TP73: variants seen among roughly 807,000 people sequenced by gnomAD.
TP73 encodes the protein tumor protein p73.
In TP73, 25 loss-of-function variants were observed where a neutral mutation model predicts 62.5. That is an observed-to-expected ratio of 0.40 (90% confidence interval 0.29 to 0.56). TP73 has a LOEUF of 0.56. TP73 is among the 20% of genes least tolerant of loss of function. The probability of loss-of-function intolerance (pLI) is 0.46; values close to 1 mark genes in which losing one functional copy is unlikely to be tolerated. For synonymous variants in TP73, 423 were observed against 377.5 expected (o/e 1.12, Z -1.40); for missense variants, 754 against 913.3 (o/e 0.83, Z 2.25).
At chr1:3,724,974 G>A (rs1237433520) in intron 6 of TP73, among the ~76,000 whole-genome samples, 2 of 151,876 alleles carry the variant, frequency 1.3e-5, no homozygotes, top group Non-Finnish European at 2.9e-5. Flanking sequence ...AGCCAAGATC[G>A]CGCCATTGCA....
intron 4 of TP73, chr1:3,707,998 G>A (rs1639819350): frequency 2.6e-6 from 2 of 766,018 alleles, no homozygotes; most frequent in Non-Finnish European, 4.1e-6. Flanking sequence ...GACGTGAGTG[G>A]CCAGAGCCAG....
rs1425904987 is a variant in TP73, at chr1:3,663,383, C to T, written c.-34+10742C>T. Among the ~76,000 whole-genome samples the T allele has an allele frequency of 6.6e-6, 1 of 152,158 alleles. No homozygotes were observed. Among genetic ancestry groups the T allele is most frequent in the Non-Finnish European group, 1.5e-5 (1 of 68,012 alleles). On this transcript the variant is annotated intron_variant, in intron 1 of 13. Transcript: ENST00000378295. This position sits in a 1 kb window ranked among gnomAD's most constrained non-coding sequence, Gnocchi z 4.7. ...ACCGGGGAACTCTGCATATTTTCCT[C>T]CTGGGTTTGTGGGGTGTGGACAGCA...
Position 3,730,142 on chromosome 1 carries a change from C to T in TP73, c.1339C>T (p.Pro447Ser), listed in dbSNP as rs1160589083. Reference protein sequence around the residue: ...HSSAATPNLGPVGPGMLNNHG... With the variant: ...HSSAATPNLGSVGPGMLNNHG... ...TTCGGCAGCTACACCCAACCTGGGGCCCGTGGGTGAGTCCCTTGGGCAGTG... is the reference window on the plus strand; with the variant it reads ...TTCGGCAGCTACACCCAACCTGGGGTCCGTGGGTGAGTCCCTTGGGCAGTG... Residue 447 changes from proline (P) to serine (S), a missense_variant, in exon 11 of 14, where the codon CCC (proline) becomes TCC (serine). Physicochemically the swap from Pro to Ser is moderately conservative, Grantham distance 74 (BLOSUM62 -1). Transcript: ENST00000378295. 12 of 1,552,604 alleles carry T rather than the reference C, an allele frequency of 7.7e-6. No individual in the cohort carries two copies. The highest frequency in any genetic ancestry group is 1.0e-5 in the Non-Finnish European group (12 of 1,147,326).
In TP73 at chr1:3,696,076, G is replaced by C. The variant is rs908412230; in HGVS notation, c.187-11473G>C. On this transcript the variant is annotated intron_variant, in intron 3 of 13. Transcript: ENST00000378295. This position sits in a 1 kb window ranked among gnomAD's most constrained non-coding sequence, Gnocchi z 4.1. ...GAGAAGGAGCCGCATGCAGGGAGGA[G>C]GACGACGAGCGAGCAGTTCCCAAAG... 1.3e-5 allele frequency among the ~76,000 whole-genome samples: 2 copies of C among 152,154 alleles called. No individual in the cohort carries two copies. The highest frequency in any genetic ancestry group is 4.8e-5 in the African/African-American group (2 of 41,456).
chr1:3,665,949 A>G (rs1645102473), intron 1 of TP73, among the ~76,000 whole-genome samples: 1 of 150,504 alleles, frequency 6.6e-6, no homozygotes, highest in East Asian at 1.9e-4. Flanking sequence ...CCTGGCCAAC[A>G]TACAGTGAAA....
Position 3,732,972 on chromosome 1 carries a change from CCAGGCG to C in TP73, c.1805_1810del (p.Pro602_Gly604delinsArg). On this transcript the variant is annotated inframe_deletion, in exon 14 of 14. Transcript: ENST00000378295. ...CATCACCATCCCCAACCGCGGCGGCCCAGGCGGCGGCCCTGACGAGTGGGCGGACTT... is the reference window on the plus strand; with the variant it reads ...CATCACCATCCCCAACCGCGGCGGCCGCGGCCCTGACGAGTGGGCGGACTT... The C allele has an allele frequency of 6.2e-7, 1 of 1,600,978 alleles. No individual in the cohort carries two copies. The highest frequency in any genetic ancestry group is 2.3e-5 in the East Asian group (1 of 44,306).
At chr1:3,715,364 CA>C (rs1640507561) in intron 4 of TP73, among the ~76,000 whole-genome samples, 1 of 152,192 alleles carries the variant, frequency 6.6e-6, no homozygotes, top group African/African-American at 2.4e-5. Flanking sequence ...TCCTGGAACC[CA>C]GGGGTGCTTA....
chr1:3,720,582 G>A (rs1327561943), intron 4 of TP73, among the ~76,000 whole-genome samples: 1 of 152,260 alleles, frequency 6.6e-6, no homozygotes, highest in Non-Finnish European at 1.5e-5. Flanking sequence ...CCACTGCACA[G>A]GAACAAGGGC....
chr1:3,712,137 C>A (rs911824450), intron 4 of TP73: 3 of 152,144 alleles, frequency 2.0e-5, no homozygotes, highest in African/African-American at 7.2e-5. Context: ...TTATGGAATG[C>A]ATGAGTGGAA....
chr1:3,717,071 C>T (rs527300927), intron 4 of TP73, among the ~76,000 whole-genome samples: 18 of 152,362 alleles, frequency 1.2e-4, no homozygotes, highest in East Asian at 1.9e-4. Context: ...GATTCACCCA[C>T]GCTGGTTAAC....
chr1:3,688,004 G>C (rs1645707624), intron 3 of TP73, among the ~76,000 whole-genome samples: 1 of 152,128 alleles, frequency 6.6e-6, no homozygotes, highest in Non-Finnish European at 1.5e-5. Flanking sequence ...CCCAGGAGAA[G>C]GAAGGGCGCA....
At chr1:3,684,737 T>C (rs905798145) in intron 3 of TP73, among the ~76,000 whole-genome samples, 5 of 152,074 alleles carry the variant, frequency 3.3e-5, no homozygotes, top group South Asian at 4.2e-4. Flanking sequence ...TATCTGAGGG[T>C]TCGACCGCCT....
intron 3 of TP73, 23 bp downstream of exon 3, chr1:3,683,203 G>A: frequency 6.3e-7 from 1 of 1,591,902 alleles, no homozygotes; most frequent in Non-Finnish European, 8.6e-7. Flanking sequence ...GCTGCCCTCT[G>A]CAAGAGGACT....
chr1:3,726,638 G>A (rs1462446630), intron 6 of TP73, among the ~76,000 whole-genome samples: 1 of 134,124 alleles, frequency 7.5e-6, no homozygotes, highest in Non-Finnish European at 1.6e-5. Context: ...GTGGATGGAT[G>A]GGGTGGATGG....
intron 1 of TP73, among the ~76,000 whole-genome samples, chr1:3,660,782 C>T (rs577153391): frequency 1.5e-3 from 227 of 152,262 alleles, no homozygotes; most frequent in African/African-American, 4.9e-3. Flanking sequence ...CAAAAGCTTT[C>T]GGGAAAGCAT....
intron 1 of TP73, among the ~76,000 whole-genome samples, chr1:3,656,947 GT>G (rs1244520051): frequency 6.6e-6 from 1 of 152,230 alleles, no homozygotes; most frequent in Admixed American, 6.5e-5. Flanking sequence ...ATGGTGTCCG[GT>G]AATAGCTGCA....
At chr1:3,690,993 G>A (rs756054296) in intron 3 of TP73, 3 of 1,556,510 alleles carry the variant, frequency 1.9e-6, no homozygotes, top group African/African-American at 1.4e-5. Context: ...CTTTGCGGGG[G>A]ATTTTGCTGC....
chr1:3,656,368 T>A (rs1644866188), intron 1 of TP73, among the ~76,000 whole-genome samples: 1 of 152,222 alleles, frequency 6.6e-6, no homozygotes. Flanking sequence ...CCTGGACAAG[T>A]TGCACATCAC....
intron 13 of TP73, among the ~76,000 whole-genome samples, chr1:3,732,315 G>A (rs4648553): frequency 0.54 from 81,976 of 152,144 alleles, 26,299 homozygotes; most frequent in Non-Finnish European, 0.74. Flanking sequence ...CGCCCTCCCC[G>A]CAACCTGTCC....
Sources: gnomAD v4.1 joint callset for allele counts (sites outside exome capture counted in the v4.1 genomes callset) on GRCh38, gnomAD v4.1.1 for gene constraint, Gnocchi (gnomAD v3.1) non-coding constraint, MANE v1.5 for transcripts, NCBI Gene and HGNC (gene_info 2026-07-23, HGNC 2026-07-21) for gene names.